Variants in THSD7A observed in about 807,000 individuals in gnomAD.
The protein encoded by THSD7A is thrombospondin type-1 domain-containing protein 7A.
A neutral mutation model predicts 231.3 loss-of-function variants in THSD7A; 96 were observed. That is an observed-to-expected ratio of 0.41 (90% CI 0.35 to 0.49). The LOEUF is 0.49. Ranked by LOEUF, THSD7A falls within the 20% of genes least tolerant of loss-of-function variation. The pLI is 0.05. For missense variants in THSD7A, 2,290 were observed against 2,070.2 expected (o/e 1.11, Z -2.06); for synonymous variants, 940 against 743.3 (o/e 1.26, Z -4.30).
chr7:11,426,727 A>G lies in THSD7A; in HGVS notation c.3244-56T>C, dbSNP rs897686294. 4.6e-6 allele frequency: 7 copies of G among 1,518,334 alleles called. No individual in the cohort carries two copies. The African/African-American group carries it at 9.7e-5, about 21-fold the overall frequency. The allele number at this position is 1,518,334 out of a possible 1,614,324, so 94.1% of individuals were successfully genotyped here. On this transcript the variant is annotated intron_variant, in intron 14 of 27. Transcript: ENST00000423059. ...AGGGAGAGAAATAAGGTAGGTGAAA[A>G]TGTCAGTATGCTATGAGAAGAACAC...
intron 1 of THSD7A, among the ~76,000 whole-genome samples, chr7:11,751,775 C>T (rs1782509173): frequency 6.6e-6 from 1 of 151,960 alleles, no homozygotes; most frequent in South Asian, 2.1e-4. Flanking sequence ...AAACTTTCTG[C>T]TCTTTGGTCA....
chr7:11,784,749 G>A (rs999277041), intron 1 of THSD7A, among the ~76,000 whole-genome samples: 1 of 152,014 alleles, frequency 6.6e-6, no homozygotes, highest in Non-Finnish European at 1.5e-5. Flanking sequence ...GAATAATGCT[G>A]GTTGTAGTTC....
intron 10 of THSD7A, among the ~76,000 whole-genome samples, chr7:11,461,499 T>C (rs148323729): frequency 1.3e-5 from 2 of 152,302 alleles, no homozygotes; most frequent in Non-Finnish European, 2.9e-5. Flanking sequence ...ATCAAGATGA[T>C]ATATAGCTTC....
chr7:11,740,510 CT>C (rs771282831), intron 1 of THSD7A, among the ~76,000 whole-genome samples: 1 of 151,916 alleles, frequency 6.6e-6, no homozygotes, highest in Non-Finnish European at 1.5e-5. Context: ...CTGTGGTGGT[CT>C]TTTTGCTGTT....
At chr7:11,497,275 ATG>A (rs1195813697) in intron 6 of THSD7A, among the ~76,000 whole-genome samples, 1 of 152,172 alleles carries the variant, frequency 6.6e-6, no homozygotes, top group Non-Finnish European at 1.5e-5. Flanking sequence ...CCCTTTCACA[ATG>A]TGTGGGGATT....
chr7:11,635,125 G>A (rs1007119748), intron 2 of THSD7A, among the ~76,000 whole-genome samples: 25 of 152,170 alleles, frequency 1.6e-4, no homozygotes, highest in Admixed American at 5.2e-4. Context: ...CACCAGAAGC[G>A]CAGAGGTCGA....
intron 6 of THSD7A, among the ~76,000 whole-genome samples, chr7:11,503,202 G>GA (rs1196975531): frequency 2.0e-5 from 3 of 152,244 alleles, no homozygotes; most frequent in South Asian, 2.1e-4. Flanking sequence ...ACAAAAACAA[G>GA]CAATGGGGAA....
At chr7:11,749,909 G>A (rs927197709) in intron 1 of THSD7A, among the ~76,000 whole-genome samples, 1 of 151,934 alleles carries the variant, frequency 6.6e-6, no homozygotes, top group African/African-American at 2.4e-5. Flanking sequence ...ATAGCATGTG[G>A]TTCACCACTG....
intron 2 of THSD7A, among the ~76,000 whole-genome samples, chr7:11,626,485 A>G (rs1345410812): frequency 6.6e-6 from 1 of 152,140 alleles, no homozygotes; most frequent in East Asian, 1.9e-4. Context: ...AGGTGAAGAC[A>G]TCCTGTCCAT....
In THSD7A at chr7:11,406,790, G is replaced by T; in HGVS notation, c.4062+120C>A. On this transcript the variant is annotated intron_variant, in intron 21 of 27. Transcript: ENST00000423059. This position sits in a 1 kb window ranked among gnomAD's most constrained non-coding sequence, Gnocchi z 4.7. The stretch of plus-strand genomic sequence containing the variant: ...AATGGCAAGTACATACAAATTTTAA[G>T]AAGCTTGTCATCTGTGAGCTCTGAA... The T allele has an allele frequency of 7.9e-7, 1 of 1,262,140 alleles. No homozygotes were observed. Among genetic ancestry groups the T allele is most frequent in the Non-Finnish European group, 1.1e-6 (1 of 937,230 alleles). 78.2% of individuals were successfully genotyped at this position (1,262,140 alleles called of 1,614,324 possible). A position where few individuals can be genotyped will look rare whatever the true frequency, so the allele number is the denominator to read the frequency against.
At chr7:11,627,337 A>G (rs1251169526) in intron 2 of THSD7A, among the ~76,000 whole-genome samples, 1 of 152,062 alleles carries the variant, frequency 6.6e-6, no homozygotes, top group South Asian at 2.1e-4. Context: ...TTATAAATTC[A>G]TACATATAAA....
chr7:11,415,178 A>AGTT (rs1728512392), intron 17 of THSD7A, among the ~76,000 whole-genome samples: 1 of 152,244 alleles, frequency 6.6e-6, no homozygotes. Context: ...TGTAAAGGAA[A>AGTT]GTTTTTAAAA....
At chr7:11,691,965 G>A (rs1488830360) in intron 1 of THSD7A, among the ~76,000 whole-genome samples, 1 of 151,478 alleles carries the variant, frequency 6.6e-6, no homozygotes, top group Non-Finnish European at 1.5e-5. Flanking sequence ...CTATCTGTTA[G>A]TAAGCAGAGA....
intron 1 of THSD7A, among the ~76,000 whole-genome samples, chr7:11,793,224 T>C (rs1487728115): frequency 6.6e-6 from 1 of 151,950 alleles, no homozygotes; most frequent in Non-Finnish European, 1.5e-5. Flanking sequence ...GCCGAAATTT[T>C]AATGATAGAC....
At chr7:11,519,235 A>G (rs1184365740) in intron 6 of THSD7A, among the ~76,000 whole-genome samples, 2 of 152,172 alleles carry the variant, frequency 1.3e-5, no homozygotes, top group Non-Finnish European at 2.9e-5. Context: ...AAAAGAGAGC[A>G]CTGCCAGCAG....
chr7:11,382,673 T>A, intron 23 of THSD7A, 57 bp from the exon 24 acceptor site: 1 of 1,271,196 alleles, frequency 7.9e-7, no homozygotes, highest in Non-Finnish European at 1.1e-6. Context: ...AGGACAATCA[T>A]GGGGATAGAG....
intron 11 of THSD7A, among the ~76,000 whole-genome samples, chr7:11,449,279 T>C (rs906425099): frequency 1.3e-5 from 2 of 152,082 alleles, no homozygotes; most frequent in Non-Finnish European, 2.9e-5. Flanking sequence ...ACACCTAGAA[T>C]GCTATTAAAC....
At chr7:11,724,420 A>G (rs1041924604) in intron 1 of THSD7A, among the ~76,000 whole-genome samples, 2 of 151,900 alleles carry the variant, frequency 1.3e-5, no homozygotes, top group Non-Finnish European at 2.9e-5. Context: ...ACTCTGCAGT[A>G]TTGACAGCAG....
chr7:11,615,368 T>G (rs1781071267), intron 2 of THSD7A, among the ~76,000 whole-genome samples: 1 of 152,186 alleles, frequency 6.6e-6, no homozygotes, highest in South Asian at 2.1e-4. Flanking sequence ...AGCTGTCTCC[T>G]CGTGGAGCTG....
Sources: gnomAD v4.1 joint callset for allele counts (sites outside exome capture counted in the v4.1 genomes callset) on GRCh38, gnomAD v4.1.1 for gene constraint, Gnocchi (gnomAD v3.1) non-coding constraint, MANE v1.5 for transcripts, NCBI Gene and HGNC (gene_info 2026-07-23, HGNC 2026-07-21) for gene names.